The following KAT6B variants were observed in gnomAD, a reference collection of about 807,000 sequenced individuals.
KAT6B encodes the protein histone acetyltransferase KAT6B.
Under a neutral mutation model 187.5 loss-of-function variants are expected in KAT6B, and 10 were observed. The observed-to-expected ratio is 0.05, with a 90% CI of 0.03 to 0.09. The LOEUF (loss-of-function observed/expected upper bound fraction) is 0.09. Ranked by LOEUF, KAT6B falls within the 10% of genes least tolerant of loss-of-function variation. The pLI is 1.00. For synonymous variants in KAT6B, 861 were observed against 926.8 expected (o/e 0.93, Z 1.29); for missense variants, 1,952 against 2,558.9 (o/e 0.76, Z 5.12).
intron 3 of KAT6B, among the ~76,000 whole-genome samples, chr10:74,853,458 TA>T (rs1490194314): frequency 6.6e-6 from 1 of 151,816 alleles, no homozygotes; most frequent in African/African-American, 2.4e-5. Flanking sequence ...TACACCCAGC[TA>T]ATTTTTGTAT....
At chr10:74,939,459 G>C (rs1354415280) in intron 3 of KAT6B, among the ~76,000 whole-genome samples, 1 of 152,034 alleles carries the variant, frequency 6.6e-6, no homozygotes, top group Non-Finnish European at 1.5e-5. Context: ...GGAGTGCAGT[G>C]GCACAATCTT....
chr10:74,911,959 C>T (rs1448994179), intron 3 of KAT6B, among the ~76,000 whole-genome samples: 1 of 152,092 alleles, frequency 6.6e-6, no homozygotes, highest in Non-Finnish European at 1.5e-5. Flanking sequence ...GCGTATGCCA[C>T]CATGCCCACC....
intron 3 of KAT6B, among the ~76,000 whole-genome samples, chr10:74,894,540 C>T (rs1845857510): frequency 6.6e-6 from 1 of 152,038 alleles, no homozygotes; most frequent in Non-Finnish European, 1.5e-5. Flanking sequence ...CTTGTAAAAC[C>T]GAAACTCTGT....
Position 75,028,549 on chromosome 10 carries a change from T to G in KAT6B, c.3725T>G (p.Leu1242Arg), listed in dbSNP as rs1311062859. 1 of 1,614,168 alleles carries G rather than the reference T, an allele frequency of 6.2e-7. No individual in the cohort carries two copies. Among genetic ancestry groups the G allele is most frequent in the East Asian group, 2.2e-5 (1 of 44,884 alleles). Residue 1242 changes from leucine (L) to arginine (R), a missense_variant, in exon 18 of 18, where the codon CTA becomes CGA. Transcript: ENST00000287239. ...GGCAGTAAAGACAATCCCGAACCTCTAAAGTGCAAACAAGTGTGGCCAAAA... is the reference window on the plus strand; with the variant it reads ...GGCAGTAAAGACAATCCCGAACCTCGAAAGTGCAAACAAGTGTGGCCAAAA... ...KEGSKDNPEP[L>R]KCKQVWPKGT...
At chr10:74,915,539 C>T (rs1847609384) in intron 3 of KAT6B, among the ~76,000 whole-genome samples, 1 of 152,196 alleles carries the variant, frequency 6.6e-6, no homozygotes, top group African/African-American at 2.4e-5. Flanking sequence ...GACATAATGA[C>T]ATCACATTTA....
intron 3 of KAT6B, among the ~76,000 whole-genome samples, chr10:74,850,331 A>G (rs991613037): frequency 1.3e-5 from 2 of 152,236 alleles, no homozygotes; most frequent in African/African-American, 4.8e-5. Flanking sequence ...TTTAAAGTAG[A>G]TACTATTTAT....
At chr10:74,837,878 T>C (rs1239792057) in intron 1 of KAT6B, among the ~76,000 whole-genome samples, 3 of 151,422 alleles carry the variant, frequency 2.0e-5, no homozygotes, top group Non-Finnish European at 4.4e-5. Context: ...ACTGTGATTC[T>C]GCTTGTAGCA....
At chr10:74,968,743 G>T (rs1321174564) in intron 4 of KAT6B, among the ~76,000 whole-genome samples, 1 of 152,120 alleles carries the variant, frequency 6.6e-6, no homozygotes. Context: ...ATCTCTTCGG[G>T]TTTATGTGAT....
chr10:74,834,675 C>T (rs1841151005), intron 1 of KAT6B, among the ~76,000 whole-genome samples: 1 of 152,086 alleles, frequency 6.6e-6, no homozygotes, highest in Non-Finnish European at 1.5e-5. Flanking sequence ...GTGTACACCA[C>T]CACAGCCACC....
chr10:74,850,912 T>G (rs191535097), intron 3 of KAT6B, among the ~76,000 whole-genome samples: 3 of 152,224 alleles, frequency 2.0e-5, no homozygotes, highest in Non-Finnish European at 4.4e-5. Flanking sequence ...TTGGTCTGTT[T>G]CCAGTGTAGT....
At chr10:74,912,697 CA>C (rs1847333336) in intron 3 of KAT6B, among the ~76,000 whole-genome samples, 1 of 152,192 alleles carries the variant, frequency 6.6e-6, no homozygotes, top group Non-Finnish European at 1.5e-5. Flanking sequence ...TTCAAAATCA[CA>C]AATACAAAGG....
At position 75,029,594 on chromosome 10, in the gene KAT6B, T is replaced by C. The variant is rs769119588; in HGVS notation, c.4770T>C (p.Asp1590=). 2.5e-6 allele frequency: 4 copies of C among 1,614,134 alleles called. 1 individual carries two copies. The South Asian group carries it at 4.4e-5, about 18-fold the overall frequency. The change falls in exon 18 of 18, where the codon GAT becomes GAC. Residue 1590 remains aspartate, a synonymous_variant. Transcript: ENST00000287239. This position sits in a 1 kb window ranked among gnomAD's most constrained non-coding sequence, Gnocchi z 6.2. ...CACAGATTGCCACCACGCTCGACGA[T>C]TGCCAACAGTCGGACCACAGTAGCC... ...QSPQIATTLD[D]CQQSDHSSPV...
intron 3 of KAT6B, among the ~76,000 whole-genome samples, chr10:74,919,640 C>T (rs773111125): frequency 4.6e-5 from 7 of 152,094 alleles, no homozygotes; most frequent in East Asian, 1.9e-4. Context: ...TGATCTCAGG[C>T]GATCCGCCCA....
chr10:74,978,156 T>A (rs781614976), intron 9 of KAT6B, among the ~76,000 whole-genome samples: 24 of 152,366 alleles, frequency 1.6e-4, no homozygotes, highest in Middle Eastern at 3.4e-3. Flanking sequence ...TCTTAACGCT[T>A]TATTTTTAGT....
chr10:75,022,647 T>A (rs368187433), intron 16 of KAT6B, among the ~76,000 whole-genome samples: 1 of 152,188 alleles, frequency 6.6e-6, no homozygotes, highest in Admixed American at 6.5e-5. Flanking sequence ...ACTCTAAGCC[T>A]GGGTTGGGCG....
At chr10:74,973,908 T>A (rs1842000387) in intron 7 of KAT6B, among the ~76,000 whole-genome samples, 1 of 152,198 alleles carries the variant, frequency 6.6e-6, no homozygotes, top group Non-Finnish European at 1.5e-5. Flanking sequence ...ATATAAACTT[T>A]CTAAACAGAG....
intron 4 of KAT6B, 84 bp downstream of exon 4, chr10:74,960,162 T>G: frequency 1.1e-6 from 1 of 950,668 alleles, no homozygotes; most frequent in Non-Finnish European, 1.7e-6. Flanking sequence ...TAAAACTGTA[T>G]TGTTATTTAA....
intron 1 of KAT6B, among the ~76,000 whole-genome samples, chr10:74,833,692 AC>A (rs1165644626): frequency 6.6e-6 from 1 of 152,268 alleles, no homozygotes. Context: ...GATATTGTCA[AC>A]TAGGAGAGCA....
At chr10:74,899,152 C>G (rs1260216819) in intron 3 of KAT6B, among the ~76,000 whole-genome samples, 4 of 149,308 alleles carry the variant, frequency 2.7e-5, no homozygotes, top group Admixed American at 6.7e-5. Flanking sequence ...CAGAGCAGTA[C>G]TCCATCTCAA....
Sources: gnomAD v4.1 joint callset for allele counts (sites outside exome capture counted in the v4.1 genomes callset) on GRCh38, gnomAD v4.1.1 for gene constraint, Gnocchi (gnomAD v3.1) non-coding constraint, MANE v1.5 for transcripts, NCBI Gene and HGNC (gene_info 2026-07-23, HGNC 2026-07-21) for gene names.